Variants in CPT1A observed in about 807,000 individuals in gnomAD.
CPT1A encodes carnitine O-palmitoyltransferase 1, liver isoform.
CPT1A carries 64 observed loss-of-function variants against 100.8 expected under a neutral mutation model. The ratio of observed to expected loss-of-function variants is 0.63; its 90% confidence interval spans 0.52 to 0.78. The LOEUF is 0.78. Among genes scored for constraint, CPT1A ranks in the 30% least tolerant of loss-of-function variants. CPT1A has a pLI of 0.00. For synonymous variants in CPT1A, 363 were observed against 396.0 expected (o/e 0.92, Z 0.99); for missense variants, 802 against 1,034.1 (o/e 0.78, Z 3.08).
chr11:68,814,950 G>T (rs1414311313), intron 2 of CPT1A, among the ~76,000 whole-genome samples: 1 of 152,176 alleles, frequency 6.6e-6, no homozygotes, highest in Admixed American at 6.5e-5. Context: ...GCTTCCCAAA[G>T]TGCAGGGATT....
At chr11:68,784,716 C>A in intron 10 of CPT1A, 99 bp downstream of exon 10, 1 of 1,196,814 alleles carries the variant, frequency 8.4e-7, no homozygotes, top group South Asian at 1.3e-5. Context: ...TGGGGAGTCC[C>A]GTGCCAGGAT....
intron 14 of CPT1A, 37 bp from the exon 15 acceptor site, chr11:68,762,798 A>G (rs1854668771): frequency 6.2e-7 from 1 of 1,613,138 alleles, no homozygotes; most frequent in African/African-American, 1.3e-5. Context: ...ACGGCAGGGC[A>G]TGCTGATATG....
chr11:68,795,557 G>T (rs1855734141), intron 7 of CPT1A, among the ~76,000 whole-genome samples: 1 of 151,670 alleles, frequency 6.6e-6, no homozygotes, highest in Non-Finnish European at 1.5e-5. Flanking sequence ...GATTATTTCA[G>T]ATGGGAAAAA....
chr11:68,833,758 T>C (rs1161459554), intron 1 of CPT1A, among the ~76,000 whole-genome samples: 2 of 152,010 alleles, frequency 1.3e-5, no homozygotes, highest in Non-Finnish European at 2.9e-5. Flanking sequence ...AAAAAGAAAT[T>C]GTTTCCCAAA....
Position 68,816,721 on chromosome 11 carries a change from A to T in CPT1A, c.-13-1234T>A, listed in dbSNP as rs114704108. Among the ~76,000 whole-genome samples, 1,252 of 151,436 alleles carry T rather than the reference A, an allele frequency of 8.3e-3. 16 individuals carry two copies. The highest frequency in any genetic ancestry group is 0.029 in the African/African-American group (1,186 of 41,254). The stretch of plus-strand genomic sequence containing the variant: ...GATAAAAGAGAAGCTAAGAGGAAAA[A>T]ACTTTCAAGGACCATAATAAAAATC... On this transcript the variant is annotated intron_variant, in intron 1 of 18. Coordinates refer to ENST00000265641, the MANE Select transcript of CPT1A (RefSeq NM_001876.4).
intron 1 of CPT1A, among the ~76,000 whole-genome samples, chr11:68,820,593 G>A (rs1291568463): frequency 6.6e-6 from 1 of 152,116 alleles, no homozygotes; most frequent in Admixed American, 6.5e-5. Flanking sequence ...TGAGGCAGGA[G>A]AATTGCCTGA....
At chr11:68,778,651 G>A (rs147888745) in intron 12 of CPT1A, among the ~76,000 whole-genome samples, 172 of 151,266 alleles carry the variant, frequency 1.1e-3, no homozygotes, top group African/African-American at 4.1e-3. Context: ...AGCTGAAATC[G>A]CACCACTGCA....
chr11:68,782,230 AGCC>A (rs1338224055), intron 10 of CPT1A, among the ~76,000 whole-genome samples: 1 of 152,142 alleles, frequency 6.6e-6, no homozygotes, highest in Non-Finnish European at 1.5e-5. Flanking sequence ...CCGTGGGCAA[AGCC>A]GCCAGGAAGC....
chr11:68,791,978 T>A (rs1264750001), intron 9 of CPT1A, among the ~76,000 whole-genome samples: 1 of 152,086 alleles, frequency 6.6e-6, no homozygotes, highest in African/African-American at 2.4e-5. Flanking sequence ...CACTACTGAC[T>A]AGGGCTTGGT....
At chr11:68,833,337 A>C (rs1478477544) in intron 1 of CPT1A, among the ~76,000 whole-genome samples, 1 of 152,246 alleles carries the variant, frequency 6.6e-6, no homozygotes, top group Non-Finnish European at 1.5e-5. Flanking sequence ...CCTCTTCTCC[A>C]GGCAAGTGTG....
chr11:68,809,766 T>C (rs1012418731), intron 3 of CPT1A, among the ~76,000 whole-genome samples: 8 of 152,194 alleles, frequency 5.3e-5, no homozygotes, highest in African/African-American at 1.9e-4. Flanking sequence ...TTTACCAAAA[T>C]AGGTTTAAGA....
At chr11:68,777,643 C>T (rs887777687) in intron 12 of CPT1A, among the ~76,000 whole-genome samples, 11 of 152,172 alleles carry the variant, frequency 7.2e-5, no homozygotes, top group African/African-American at 2.7e-4. Context: ...TCTACGTGCC[C>T]ACCCTGGTCT....
At chr11:68,760,884 G>T (rs975891967) in intron 16 of CPT1A, among the ~76,000 whole-genome samples, 2 of 151,092 alleles carry the variant, frequency 1.3e-5, no homozygotes, top group African/African-American at 2.4e-5. Context: ...AGCCAGGCAT[G>T]GCAGCGTGTG....
intron 14 of CPT1A, among the ~76,000 whole-genome samples, chr11:68,764,762 G>C (rs1322848890): frequency 6.6e-6 from 1 of 152,266 alleles, no homozygotes; most frequent in Non-Finnish European, 1.5e-5. Flanking sequence ...CCAGTGAAAT[G>C]AGAGTGCATC....
chr11:68,774,680 G>T (rs1199167280), intron 13 of CPT1A, among the ~76,000 whole-genome samples: 4 of 150,990 alleles, frequency 2.6e-5, no homozygotes, highest in Admixed American at 2.6e-4. Flanking sequence ...TACTTGGGAG[G>T]CTGAAGCAGG....
At chr11:68,814,470 C>G (rs1856323837) in intron 2 of CPT1A, among the ~76,000 whole-genome samples, 1 of 151,900 alleles carries the variant, frequency 6.6e-6, no homozygotes, top group South Asian at 2.1e-4. Flanking sequence ...CCACGCCCGG[C>G]TAATTTTTTG....
intron 14 of CPT1A, among the ~76,000 whole-genome samples, chr11:68,771,387 TAGGTA>T: frequency 6.6e-6 from 1 of 152,320 alleles, no homozygotes; most frequent in African/African-American, 2.4e-5. Context: ...ATCCTTTCTG[TAGGTA>T]AGGTATCAAC....
chr11:68,800,457 C>T (rs1855874276), intron 5 of CPT1A, among the ~76,000 whole-genome samples: 3 of 150,136 alleles, frequency 2.0e-5, no homozygotes, highest in African/African-American at 4.9e-5. Flanking sequence ...TTCAAGACCA[C>T]CCTGGGCAAC....
At chr11:68,765,842 G>A (rs11827126) in intron 14 of CPT1A, among the ~76,000 whole-genome samples, 21 of 151,772 alleles carry the variant, frequency 1.4e-4, no homozygotes, top group African/African-American at 4.8e-4. Context: ...ACAGGAACAG[G>A]GAACTAGGGA....
Sources: allele counts gnomAD v4.1 joint callset (sites outside exome capture counted in the v4.1 genomes callset), GRCh38; gene constraint gnomAD v4.1.1; transcripts MANE v1.5; gene names NCBI Gene and HGNC (gene_info 2026-07-23, HGNC 2026-07-21).